DEPTOR: variants seen among roughly 807,000 people sequenced by gnomAD.
DEPTOR encodes DEP domain-containing mTOR-interacting protein.
A neutral mutation model predicts 41.6 loss-of-function variants in DEPTOR; 41 were observed. The ratio of observed to expected loss-of-function variants is 0.98; its 90% CI spans 0.77 to 1.28. The LOEUF (loss-of-function observed/expected upper bound fraction) is 1.28. DEPTOR is among the 50% of genes most tolerant of loss of function. DEPTOR has a pLI of 0.00. For missense variants in DEPTOR, 514 were observed against 527.9 expected (o/e 0.97, Z 0.26); for synonymous variants, 195 against 192.3 (o/e 1.01, Z -0.12).
chr8:120,023,897 C>T (rs1243136662), intron 8 of DEPTOR, among the ~76,000 whole-genome samples: 1 of 151,718 alleles, frequency 6.6e-6, no homozygotes, highest in African/African-American at 2.4e-5. Context: ...GCATTCTAGC[C>T]ACCCAGGAGG....
intron 1 of DEPTOR, among the ~76,000 whole-genome samples, chr8:119,923,669 A>G (rs1397475113): frequency 6.6e-6 from 1 of 151,886 alleles, no homozygotes; most frequent in Non-Finnish European, 1.5e-5. Context: ...ACATCCATTT[A>G]TTTTCCAAGA....
chr8:119,970,863 C>T (rs186783117), intron 4 of DEPTOR, among the ~76,000 whole-genome samples: 151 of 152,180 alleles, frequency 9.9e-4, no homozygotes, highest in African/African-American at 3.2e-3. Context: ...AATGCAGTAA[C>T]ACGTGTGCAA....
intron 4 of DEPTOR, among the ~76,000 whole-genome samples, chr8:119,978,183 CA>C (rs1828720318): frequency 6.6e-6 from 1 of 152,138 alleles, no homozygotes; most frequent in African/African-American, 2.4e-5. Flanking sequence ...TCTTTTACAA[CA>C]GCACACAGAA....
chr8:119,915,761 T>A (rs1026171442), intron 1 of DEPTOR, among the ~76,000 whole-genome samples: 2 of 152,172 alleles, frequency 1.3e-5, no homozygotes, highest in African/African-American at 4.8e-5. Context: ...ATAGAAGAGA[T>A]GAGGTTGATT....
chr8:120,033,302 G>T (rs1422597010), intron 8 of DEPTOR, among the ~76,000 whole-genome samples: 2 of 152,058 alleles, frequency 1.3e-5, no homozygotes, highest in African/African-American at 4.8e-5. Context: ...GGTCAGGCTG[G>T]CCTCGAACTC....
chr8:119,902,584 C>G (rs1213470979), intron 1 of DEPTOR, among the ~76,000 whole-genome samples: 1 of 152,196 alleles, frequency 6.6e-6, no homozygotes, highest in Non-Finnish European at 1.5e-5. Context: ...GGTGATCCAC[C>G]TGCCTCGGCC....
At chr8:120,042,617 C>G (rs1234793277) in intron 8 of DEPTOR, among the ~76,000 whole-genome samples, 1 of 152,074 alleles carries the variant, frequency 6.6e-6, no homozygotes, top group Non-Finnish European at 1.5e-5. Flanking sequence ...CTCCCAGGTT[C>G]AAGCAATTCT....
In DEPTOR at chr8:119,972,464, A is replaced by C. The variant is rs191197758; in HGVS notation, c.604+7054A>C. 2.2e-3 allele frequency among the ~76,000 whole-genome samples: 337 copies of C among 152,174 alleles called. 2 individuals are homozygous for C. Among genetic ancestry groups the C allele is most frequent in the African/African-American group, 6.7e-3 (277 of 41,542 alleles). ...ATAGTGAAACTCTGTCTCTACCAAA[A>C]ATACAAAAATTAGCCAGGTGTGGTA... On this transcript the variant is annotated intron_variant, in intron 4 of 8. Coordinates refer to ENST00000286234, the MANE Select transcript of DEPTOR (RefSeq NM_022783.4).
intron 1 of DEPTOR, among the ~76,000 whole-genome samples, chr8:119,894,177 T>G (rs1244871680): frequency 6.6e-6 from 1 of 151,946 alleles, no homozygotes; most frequent in African/African-American, 2.4e-5. Flanking sequence ...CAAGCGATCC[T>G]TCCACCTTAG....
intron 1 of DEPTOR, among the ~76,000 whole-genome samples, chr8:119,917,300 A>C (rs1325823979): frequency 6.6e-6 from 1 of 152,236 alleles, no homozygotes; most frequent in Non-Finnish European, 1.5e-5. Context: ...TACATGATAT[A>C]TGAGATTCAG....
At chr8:119,877,749 CCCTACAGAATGGGAATAATATCTT>C (rs1827247011) in intron 1 of DEPTOR, among the ~76,000 whole-genome samples, 1 of 152,334 alleles carries the variant, frequency 6.6e-6, no homozygotes, top group Admixed American at 6.5e-5. Flanking sequence ...AAGCATCCTT[CCCTACAGAATGGGAATAATATCTT>C]CCCACATAAG....
At chr8:119,915,945 TAAAAAAAAAAAA>T (rs201870960) in intron 1 of DEPTOR, among the ~76,000 whole-genome samples, 16,519 of 126,794 alleles carry the variant, frequency 0.13, 1,526 homozygotes, top group African/African-American at 0.27. Flanking sequence ...CTTCATTTGT[TAAAAAAAAAAAA>T]AAAAAAAAAA....
intron 8 of DEPTOR, among the ~76,000 whole-genome samples, chr8:120,047,936 C>T (rs1315830218): frequency 6.6e-6 from 1 of 151,788 alleles, no homozygotes; most frequent in Non-Finnish European, 1.5e-5. Flanking sequence ...ATCCCAGCTA[C>T]TCGGGAGGCT....
intron 4 of DEPTOR, 146 bp downstream of exon 4, chr8:119,965,556 G>A: frequency 3.0e-6 from 3 of 1,011,974 alleles, no homozygotes; most frequent in Non-Finnish European, 4.2e-6. Flanking sequence ...CAAGTTGGGG[G>A]TCAAATTCAG....
chr8:119,915,275 A>AT (rs1204197479), intron 1 of DEPTOR, among the ~76,000 whole-genome samples: 1 of 152,136 alleles, frequency 6.6e-6, no homozygotes, highest in Non-Finnish European at 1.5e-5. Flanking sequence ...TATTTTAGTT[A>AT]TTATTTAAAT....
In DEPTOR at chr8:120,009,137, C is replaced by T; in HGVS notation, c.1101+4C>T. On this transcript the variant is annotated splice_donor_region_variant and intron_variant, in intron 8 of 8. Coordinates refer to ENST00000286234, the MANE Select transcript of DEPTOR (RefSeq NM_022783.4). ...TGCAGCCGCAGCAGGAATGAAGGTA[C>T]TAACGGGTCTTTCTCACCCTCTTTT... 6.2e-7 allele frequency: 1 copy of T among 1,612,896 alleles called. No individual in the cohort carries two copies. Among genetic ancestry groups the T allele is most frequent in the Non-Finnish European group, 8.5e-7 (1 of 1,179,406 alleles).
At chr8:119,934,787 G>A (rs1322183491) in intron 3 of DEPTOR, among the ~76,000 whole-genome samples, 1 of 152,210 alleles carries the variant, frequency 6.6e-6, no homozygotes, top group African/African-American at 2.4e-5. Flanking sequence ...AGCTACCTGG[G>A]TGTGAATCTT....
rs368110096 is a variant in DEPTOR at position 119,898,479 on chromosome 8, G to A, written c.122+24511G>A. ...GGCTTACGTGTGTAATCCCAAGAAC[G>A]TTGGGAGGCCAAGAAGGGCAGATTG... is the stretch of plus-strand genomic sequence containing the variant. On this transcript the variant is annotated intron_variant, in intron 1 of 8. Transcript: ENST00000286234. Among the ~76,000 whole-genome samples the A allele has an allele frequency of 5.5e-4, 83 of 152,198 alleles. 1 individual carries two copies. The highest frequency in any genetic ancestry group is 1.2e-3 in the African/African-American group (48 of 41,536).
intron 1 of DEPTOR, among the ~76,000 whole-genome samples, chr8:119,903,035 C>T (rs1229205917): frequency 6.6e-6 from 1 of 152,176 alleles, no homozygotes; most frequent in African/African-American, 2.4e-5. Flanking sequence ...ACTCTATGCC[C>T]AGTGCCTGGC....
Sources: gnomAD v4.1 joint callset for allele counts (sites outside exome capture counted in the v4.1 genomes callset) on GRCh38, gnomAD v4.1.1 for gene constraint, MANE v1.5 for transcripts, NCBI Gene and HGNC (gene_info 2026-07-23, HGNC 2026-07-21) for gene names.